Variants in COL8A1 observed in about 807,000 individuals in gnomAD.
COL8A1 encodes collagen alpha-1(VIII) chain.
Under a neutral mutation model 42.7 loss-of-function variants are expected in COL8A1, and 21 were observed. That is an observed-to-expected ratio of 0.49 (90% CI 0.35 to 0.71). The LOEUF is 0.71. Ranked by LOEUF, COL8A1 falls within the 30% of genes least tolerant of loss-of-function variation. COL8A1 has a pLI of 0.01. For synonymous variants in COL8A1, 367 were observed against 369.1 expected, an observed-to-expected ratio of 0.99 and a Z score of 0.06; for missense variants, 788 against 962.4, an observed-to-expected ratio of 0.82 and a Z score of 2.40.
intron 1 of COL8A1, among the ~76,000 whole-genome samples, chr3:99,735,964 G>C (rs1230293071): frequency 6.6e-6 from 1 of 151,830 alleles, no homozygotes; most frequent in Non-Finnish European, 1.5e-5. Flanking sequence ...ATTCTCTGAT[G>C]GTAGTTTGTA....
At chr3:99,728,537 T>G (rs969241135) in intron 1 of COL8A1, among the ~76,000 whole-genome samples, 1 of 152,062 alleles carries the variant, frequency 6.6e-6, no homozygotes. Context: ...ACTGAATACA[T>G]ATCAACAATT....
intron 1 of COL8A1, among the ~76,000 whole-genome samples, chr3:99,712,005 G>A (rs1359210021): frequency 6.6e-6 from 1 of 151,976 alleles, no homozygotes; most frequent in East Asian, 1.9e-4. Context: ...AGCCTTTCAG[G>A]GTTTTGTTGA....
chr3:99,776,894 T>C (rs1195512799), intron 2 of COL8A1, among the ~76,000 whole-genome samples: 1 of 152,174 alleles, frequency 6.6e-6, no homozygotes, highest in African/African-American at 2.4e-5. Flanking sequence ...GCCATGGCAT[T>C]TGTAAACTCA....
intron 1 of COL8A1, chr3:99,677,846 C>G (rs1354572315): frequency 6.6e-6 from 1 of 152,090 alleles, no homozygotes; most frequent in East Asian, 1.9e-4. Flanking sequence ...TACACAAAAC[C>G]AAAAGTGAAT....
chr3:99,698,671 A>G (rs1035868889), intron 1 of COL8A1, among the ~76,000 whole-genome samples: 2 of 152,234 alleles, frequency 1.3e-5, no homozygotes, highest in African/African-American at 2.4e-5. Flanking sequence ...GTAATACAAT[A>G]GTAGCCCCCA....
intron 1 of COL8A1, among the ~76,000 whole-genome samples, chr3:99,659,419 A>G (rs1190258417): frequency 6.6e-6 from 1 of 152,222 alleles, no homozygotes; most frequent in Non-Finnish European, 1.5e-5. Flanking sequence ...TCAGCAGTGA[A>G]TAAAACAATA....
intron 2 of COL8A1, among the ~76,000 whole-genome samples, chr3:99,761,332 T>C (rs1214345755): frequency 2.0e-5 from 3 of 152,188 alleles, no homozygotes; most frequent in Admixed American, 6.5e-5. Flanking sequence ...ATTATTTTCA[T>C]GGTACACCTA....
intron 2 of COL8A1, among the ~76,000 whole-genome samples, chr3:99,770,375 T>C (rs1284978337): frequency 6.6e-6 from 1 of 152,212 alleles, no homozygotes; most frequent in African/African-American, 2.4e-5. Context: ...AGGTATCATA[T>C]TGTAGGGTAG....
intron 1 of COL8A1, among the ~76,000 whole-genome samples, chr3:99,665,381 A>G (rs1938333578): frequency 6.6e-6 from 1 of 152,200 alleles, no homozygotes; most frequent in African/African-American, 2.4e-5. Context: ...AACATGGAGG[A>G]GAGGGAAAGT....
intron 2 of COL8A1, among the ~76,000 whole-genome samples, chr3:99,777,451 C>A (rs1335574047): frequency 1.3e-5 from 2 of 152,114 alleles, no homozygotes; most frequent in Admixed American, 1.3e-4. Flanking sequence ...CAAAGTTGAA[C>A]TGGAATCATG....
intron 1 of COL8A1, among the ~76,000 whole-genome samples, chr3:99,736,841 C>G (rs529082052): frequency 1.3e-5 from 2 of 152,152 alleles, no homozygotes; most frequent in African/African-American, 4.8e-5. Flanking sequence ...GTGTTAAAGT[C>G]TCCCATTATT....
At chr3:99,708,958 C>T (rs1448557823) in intron 1 of COL8A1, among the ~76,000 whole-genome samples, 2 of 151,950 alleles carry the variant, frequency 1.3e-5, no homozygotes, top group Non-Finnish European at 2.9e-5. Flanking sequence ...TAAATGTTAC[C>T]TTCCTTAGAC....
At chr3:99,696,495 A>G (rs1939369888) in intron 1 of COL8A1, among the ~76,000 whole-genome samples, 1 of 152,192 alleles carries the variant, frequency 6.6e-6, no homozygotes, top group East Asian at 1.9e-4. Context: ...TAAGGCAGAA[A>G]GAGAGCTTGA....
chr3:99,725,101 A>C (rs538155215), intron 1 of COL8A1, among the ~76,000 whole-genome samples: 7 of 152,212 alleles, frequency 4.6e-5, no homozygotes, highest in African/African-American at 4.8e-5. Flanking sequence ...TATTACTGAA[A>C]GAGGCTTAAT....
At chr3:99,694,887 A>T (rs1196763456) in intron 1 of COL8A1, among the ~76,000 whole-genome samples, 2 of 152,210 alleles carry the variant, frequency 1.3e-5, no homozygotes, top group East Asian at 3.9e-4. Flanking sequence ...TTGGTTCTCA[A>T]GAAGTTTTTT....
intron 2 of COL8A1, among the ~76,000 whole-genome samples, chr3:99,776,330 T>A (rs1001379159): frequency 6.6e-6 from 1 of 152,022 alleles, no homozygotes; most frequent in Non-Finnish European, 1.5e-5. Context: ...GTTCTTTGTA[T>A]TTTTTTTCAT....
intron 1 of COL8A1, among the ~76,000 whole-genome samples, chr3:99,694,721 G>T (rs1939319980): frequency 6.6e-6 from 1 of 152,094 alleles, no homozygotes. Flanking sequence ...GGGATTCTTT[G>T]TTCTTAACCT....
intron 2 of COL8A1, among the ~76,000 whole-genome samples, chr3:99,758,420 T>C (rs1289599742): frequency 6.6e-6 from 1 of 152,158 alleles, no homozygotes; most frequent in Non-Finnish European, 1.5e-5. Flanking sequence ...ATAATTCCAT[T>C]ACATTTATGG....
chr3:99,729,092 T>C (rs568242015), intron 1 of COL8A1, among the ~76,000 whole-genome samples: 114 of 152,172 alleles, frequency 7.5e-4, no homozygotes, highest in Admixed American at 2.7e-3. Context: ...CTGGGAAACA[T>C]TTGATATATT....
Sources: allele counts gnomAD v4.1 joint callset (sites outside exome capture counted in the v4.1 genomes callset), GRCh38; gene constraint gnomAD v4.1.1; transcripts MANE v1.5; gene names NCBI Gene and HGNC (gene_info 2026-07-23, HGNC 2026-07-21).